Variants in SLC39A11 observed in about 807,000 individuals in gnomAD.
SLC39A11 encodes solute carrier family 39 member 11, also known as zinc transporter ZIP11.
A neutral mutation model predicts 36.1 loss-of-function variants in SLC39A11; 33 were observed. The observed-to-expected ratio is 0.91, with a 90% CI of 0.69 to 1.22. The LOEUF (loss-of-function observed/expected upper bound fraction) is 1.22, where lower values mean the gene tolerates loss of function less well. Among genes scored for constraint, SLC39A11 ranks in the 50% most tolerant of loss-of-function variants. The pLI, the probability that SLC39A11 is intolerant of heterozygous loss-of-function variation, is 0.00. For synonymous variants in SLC39A11, 166 were observed against 170.3 expected, an observed-to-expected ratio of 0.97 and a Z score of 0.20; for missense variants, 432 against 430.3, an observed-to-expected ratio of 1.00 and a Z score of -0.03.
intron 1 of SLC39A11, among the ~76,000 whole-genome samples, chr17:73,090,825 C>T (rs1054452104): frequency 8.5e-5 from 13 of 152,130 alleles, no homozygotes; most frequent in African/African-American, 3.1e-4. Context: ...TCTGAGCACC[C>T]TCCTGAGTAA....
chr17:73,046,871 G>C (rs2059311730), intron 3 of SLC39A11, among the ~76,000 whole-genome samples: 1 of 152,168 alleles, frequency 6.6e-6, no homozygotes, highest in Non-Finnish European at 1.5e-5. Context: ...AGCCCGGGCG[G>C]TTGAGGCTGC....
At chr17:72,914,185 G>A (rs76474121) in intron 5 of SLC39A11, among the ~76,000 whole-genome samples, 24,108 of 151,496 alleles carry the variant, frequency 0.16, 2,087 homozygotes, top group Non-Finnish European at 0.2. Flanking sequence ...GCACGGTGGC[G>A]GGCACCTGTA....
chr17:72,702,454 C>G (rs531408354), intron 7 of SLC39A11, among the ~76,000 whole-genome samples: 180 of 152,266 alleles, frequency 1.2e-3, no homozygotes, highest in Non-Finnish European at 2.1e-3. Context: ...ACAGGGCACC[C>G]CCCGCCTACA....
At chr17:72,851,115 A>G (rs571964698) in intron 5 of SLC39A11, among the ~76,000 whole-genome samples, 6 of 152,252 alleles carry the variant, frequency 3.9e-5, no homozygotes. Context: ...AGAGAAGGGC[A>G]GAACTGCAGC....
intron 6 of SLC39A11, among the ~76,000 whole-genome samples, chr17:72,815,083 T>C (rs1460554850): frequency 6.6e-6 from 1 of 152,152 alleles, no homozygotes; most frequent in African/African-American, 2.4e-5. Context: ...CCAGGAGTTA[T>C]TGGTGGAAGG....
chr17:72,717,020 C>CAT (rs2073419058), intron 7 of SLC39A11, among the ~76,000 whole-genome samples: 3 of 144,086 alleles, frequency 2.1e-5, no homozygotes, highest in Admixed American at 2.1e-4. Context: ...CACACACACA[C>CAT]ACACATATAC....
intron 3 of SLC39A11, among the ~76,000 whole-genome samples, chr17:73,060,416 T>C (rs2059807746): frequency 6.6e-6 from 1 of 152,168 alleles, no homozygotes; most frequent in South Asian, 2.1e-4. Context: ...AGGTTTTTCC[T>C]CCAAATATGT....
At chr17:72,811,164 A>G (rs2077425193) in intron 6 of SLC39A11, among the ~76,000 whole-genome samples, 1 of 152,052 alleles carries the variant, frequency 6.6e-6, no homozygotes, top group Admixed American at 6.5e-5. Context: ...GAGGCTGGGA[A>G]GTCCAAATTC....
At chr17:73,088,980 G>A (rs554601037) in intron 1 of SLC39A11, among the ~76,000 whole-genome samples, 3 of 152,262 alleles carry the variant, frequency 2.0e-5, no homozygotes, top group South Asian at 2.1e-4. Context: ...ACTGGAAATC[G>A]TCTTAATCTG....
At chr17:72,895,911 A>G (rs964638418) in intron 5 of SLC39A11, among the ~76,000 whole-genome samples, 7 of 152,224 alleles carry the variant, frequency 4.6e-5, no homozygotes, top group Non-Finnish European at 1.0e-4. Context: ...GATCATACAC[A>G]AATGGCCAAT....
At chr17:73,022,034 AAAAGCCAGAGAGCAGACACGC>A (rs1274484696) in intron 4 of SLC39A11, among the ~76,000 whole-genome samples, 2 of 152,376 alleles carry the variant, frequency 1.3e-5, no homozygotes, top group East Asian at 3.9e-4. Flanking sequence ...AACCCTGGTC[AAAAGCCAGAGAGCAGACACGC>A]TTGAAATGCT....
At chr17:72,667,546 G>T (rs927563996) in intron 7 of SLC39A11, among the ~76,000 whole-genome samples, 2 of 152,218 alleles carry the variant, frequency 1.3e-5, no homozygotes, top group Non-Finnish European at 2.9e-5. Flanking sequence ...GCATGGCCAG[G>T]ACGCCAGTGC....
Position 72,646,163 on chromosome 17 carries a change from C to T in SLC39A11, c.*1421G>A, listed in dbSNP as rs918050140. 15 of 152,768 alleles carry T rather than the reference C, an allele frequency of 9.8e-5. No individual in the cohort carries two copies. The highest frequency in any genetic ancestry group is 3.4e-4 in the African/African-American group (14 of 41,558). 9.5% of individuals were successfully genotyped at this position (152,768 alleles called of 1,614,324 possible). A position where few individuals can be genotyped will look rare whatever the true frequency, so the allele number is the denominator to read the frequency against. On this transcript the variant is annotated 3_prime_UTR_variant, in exon 10 of 10. Coordinates refer to ENST00000255559, the MANE Select transcript of SLC39A11 (RefSeq NM_139177.4). ...TCGGAAGAACGTACATAGACCCAGC[C>T]CAAGGTTGGCCTTTGGGGTCTGATA...
At chr17:72,870,496 C>G (rs1483666299) in intron 5 of SLC39A11, among the ~76,000 whole-genome samples, 2 of 152,240 alleles carry the variant, frequency 1.3e-5, no homozygotes, top group African/African-American at 4.8e-5. Flanking sequence ...TGCAAAGCAT[C>G]TTCGCTAGAC....
At chr17:73,004,745 G>A (rs1241923306) in intron 4 of SLC39A11, among the ~76,000 whole-genome samples, 1 of 152,198 alleles carries the variant, frequency 6.6e-6, no homozygotes, top group Non-Finnish European at 1.5e-5. Context: ...CAATCTCTCT[G>A]AGAAAAAGAG....
At position 72,861,743 on chromosome 17, in the gene SLC39A11, TATATA is replaced by T. The variant is rs1567842551; in HGVS notation, c.431-11944_431-11940del. Among the ~76,000 whole-genome samples the T allele has an allele frequency of 8.5e-3, 20 of 2,342 alleles. 1 individual carries two copies. The highest frequency in any genetic ancestry group is 0.022 in the African/African-American group (10 of 456). The allele number at this position is 2,342 out of a possible 152,430, so 1.5% of individuals were successfully genotyped here. A position where few individuals can be genotyped will look rare whatever the true frequency, so the allele number is the denominator to read the frequency against. On this transcript the variant is annotated intron_variant, in intron 5 of 9. Coordinates refer to ENST00000255559, the MANE Select transcript of SLC39A11 (RefSeq NM_139177.4). Reference sequence around the variant, plus strand: ...ATATATATACACACATTGGAGATTATATATATATATATATATATATATATATATAT... The same window carrying T: ...ATATATATACACACATTGGAGATTATTATATATATATATATATATATATAT...
intron 6 of SLC39A11, among the ~76,000 whole-genome samples, chr17:72,842,110 G>A (rs984846666): frequency 2.1e-5 from 3 of 140,356 alleles, no homozygotes; most frequent in Admixed American, 7.4e-5. Flanking sequence ...GTGCACGCAC[G>A]CGCATATGTA....
chr17:73,077,650 A>C (rs1019222351), intron 3 of SLC39A11, among the ~76,000 whole-genome samples: 6 of 152,146 alleles, frequency 3.9e-5, no homozygotes, highest in African/African-American at 7.2e-5. Flanking sequence ...TAGAAAAGTA[A>C]ATCATTTCTT....
intron 3 of SLC39A11, among the ~76,000 whole-genome samples, chr17:73,071,821 C>A (rs1302245593): frequency 6.6e-6 from 1 of 152,144 alleles, no homozygotes; most frequent in East Asian, 1.9e-4. Context: ...AGGCAGCAGG[C>A]CGAATTTAAG....
Sources: gnomAD v4.1 joint callset for allele counts (sites outside exome capture counted in the v4.1 genomes callset) on GRCh38, gnomAD v4.1.1 for gene constraint, MANE v1.5 for transcripts, NCBI Gene and HGNC (gene_info 2026-07-23, HGNC 2026-07-21) for gene names.